Variants in PCDH19 observed in about 807,000 individuals in gnomAD.
The protein encoded by PCDH19 is protocadherin-19.
PCDH19 carries 6 observed loss-of-function variants against 46.2 expected under a neutral mutation model. That is an observed-to-expected ratio of 0.13 (90% confidence interval 0.07 to 0.26). The LOEUF (loss-of-function observed/expected upper bound fraction) is 0.26, where lower values mean the gene tolerates loss of function less well. Ranked by LOEUF, PCDH19 falls within the 10% of genes least tolerant of loss-of-function variation. The pLI is 1.00. For synonymous variants in PCDH19, 481 were observed against 415.7 expected (o/e 1.16, Z -1.91); for missense variants, 740 against 972.3 (o/e 0.76, Z 3.18).
chrX:100,371,383 T>C (rs929728435), intron 3 of PCDH19, among the ~76,000 whole-genome samples: 2 of 111,514 alleles, frequency 1.8e-5, no homozygotes, highest in Admixed American at 1.9e-4. Context: ...AACGTCTATC[T>C]CCTGTACTTT....
chrX:100,401,343 A>C (rs1050895527), intron 3 of PCDH19, among the ~76,000 whole-genome samples: 3 of 112,180 alleles, frequency 2.7e-5, no homozygotes, highest in Non-Finnish European at 5.6e-5. Context: ...ATCTGACCAC[A>C]TCACATTTTA....
intron 3 of PCDH19, among the ~76,000 whole-genome samples, chrX:100,388,439 C>A (rs182965387): frequency 8.7e-4 from 96 of 110,415 alleles, no homozygotes; most frequent in South Asian, 1.5e-3. Flanking sequence ...ACTGGCTTCA[C>A]AGTATTCTAG....
chrX:100,350,599 T>C, intron 4 of PCDH19, 47 bp downstream of exon 4: 1 of 920,177 alleles, frequency 1.1e-6, no homozygotes, highest in Non-Finnish European at 1.6e-6. Flanking sequence ...TGCTTTTTAA[T>C]GTTAAATCAA....
intron 3 of PCDH19, among the ~76,000 whole-genome samples, chrX:100,363,800 T>G (rs1440497061): frequency 9.9e-6 from 1 of 100,925 alleles, no homozygotes; most frequent in Non-Finnish European, 2.0e-5. Context: ...GCTGATTCAA[T>G]AGGAATACAA....
chrX:100,360,014 G>A (rs1230763414), intron 3 of PCDH19, among the ~76,000 whole-genome samples: 1 of 111,465 alleles, frequency 9.0e-6, no homozygotes. Context: ...ACCAGCTACA[G>A]AGCCCTGACT....
At chrX:100,363,438 G>A (rs1159811642) in intron 3 of PCDH19, among the ~76,000 whole-genome samples, 5 of 108,308 alleles carry the variant, frequency 4.6e-5, no homozygotes, top group Non-Finnish European at 9.5e-5. Context: ...TTACCAGGTC[G>A]TAAACTTGAT....
chrX:100,299,899 G>A (rs1375887720), intron 5 of PCDH19, among the ~76,000 whole-genome samples: 1 of 112,159 alleles, frequency 8.9e-6, no homozygotes, highest in African/African-American at 3.2e-5. Context: ...TTTACTCACA[G>A]TGTCTCATCC....
intron 5 of PCDH19, among the ~76,000 whole-genome samples, chrX:100,324,731 G>T (rs1222810731): frequency 8.9e-6 from 1 of 111,848 alleles, no homozygotes; most frequent in Non-Finnish European, 1.9e-5. Flanking sequence ...GAGAGAAAGA[G>T]ACGTAGATAA....
In PCDH19 at chrX:100,296,334, C is replaced by T. The variant is rs1428335254; in HGVS notation, c.3390G>A (p.Lys1130=). 1 of 1,209,995 alleles carries T rather than the reference C, an allele frequency of 8.3e-7. No homozygotes were observed. The highest frequency in any genetic ancestry group is 1.7e-5 in the African/African-American group (1 of 57,157). ...KVMHEVSPIL[K]EGRNKESPGV... Reference sequence around the variant, plus strand: ...CAGGGGACTCTTTGTTGCGACCTTCCTTCAGAATGGGGCTGACCTCATGCA... The same window carrying T: ...CAGGGGACTCTTTGTTGCGACCTTCTTTCAGAATGGGGCTGACCTCATGCA... Residue 1130 remains lysine, a synonymous_variant, in exon 6 of 6, where the codon AAG becomes AAA. Coordinates refer to ENST00000373034, the MANE Select transcript of PCDH19 (RefSeq NM_001184880.2).
chrX:100,347,565 C>T lies in PCDH19; in HGVS notation c.2675+3081G>A, dbSNP rs142691813. Among the ~76,000 whole-genome samples, 1,038 of 111,574 alleles carry T rather than the reference C, an allele frequency of 9.3e-3. 9 individuals are homozygous for T. The highest frequency in any genetic ancestry group is 0.03 in the African/African-American group (924 of 30,684). On this transcript the variant is annotated intron_variant, in intron 4 of 5. Coordinates refer to ENST00000373034, the MANE Select transcript of PCDH19 (RefSeq NM_001184880.2). ...CAACTATTTCATGTAGGAACCCTGA[C>T]TGATGAAGGAAAGAACCAGAGGTGG...
chrX:100,381,629 A>C (rs1397442763), intron 3 of PCDH19, among the ~76,000 whole-genome samples: 7 of 112,024 alleles, frequency 6.2e-5, no homozygotes, highest in Admixed American at 5.7e-4. Context: ...ATCAATTATC[A>C]ACCATTAAAT....
At chrX:100,340,208 T>C (rs896936308) in intron 5 of PCDH19, among the ~76,000 whole-genome samples, 1 of 111,948 alleles carries the variant, frequency 8.9e-6, no homozygotes, top group Non-Finnish European at 1.9e-5. Flanking sequence ...TATATAGATA[T>C]ATACACACAC....
chrX:100,316,721 G>A (rs767633867), intron 5 of PCDH19, among the ~76,000 whole-genome samples: 1 of 111,803 alleles, frequency 8.9e-6, no homozygotes, highest in South Asian at 3.8e-4. Context: ...TAATAATAGT[G>A]CTCCTTTATT....
At position 100,342,755 on chromosome X, in the gene PCDH19, G is replaced by A. The variant is rs746982642; in HGVS notation, c.2676-680C>T. The stretch of plus-strand genomic sequence containing the variant: ...AAATTGAAGTAGTGCAACTAAAATA[G>A]GAAGGATTATCAGGATCAGAGAACC... On this transcript the variant is annotated intron_variant, in intron 4 of 5. Coordinates refer to ENST00000373034, the MANE Select transcript of PCDH19 (RefSeq NM_001184880.2). Among the ~76,000 whole-genome samples, 20 of 112,323 alleles carry A rather than the reference G, an allele frequency of 1.8e-4. No individual in the cohort carries two copies. The South Asian group carries it at 1.8e-3, about 10-fold the overall frequency.
chrX:100,406,898 G>C lies in PCDH19; in HGVS notation c.1700C>G (p.Pro567Arg), dbSNP rs201989363. Residue 567 changes from proline to arginine, a missense_variant, in exon 1 of 6, where the codon CCT (proline) becomes CGT (arginine). This residue lies in a region of PCDH19 where 186 missense variants were observed against 319.9 expected (regional missense o/e 0.58). Transcript: ENST00000373034. ...NDNTPVITAP[P>R]LINGTAEVYI... ...GACCTCGGCAGTGCCGTTAATCAGA[G>C]GTGGGGCTGTGATGACCGGGGTGTT... is the stretch of plus-strand genomic sequence containing the variant. 2.0e-5 allele frequency: 24 copies of C among 1,209,743 alleles called. No individual in the cohort carries two copies. The African/African-American group carries it at 4.2e-4, about 21-fold the overall frequency.
In PCDH19 at chrX:100,337,146, G is replaced by A. The variant is rs902093267; in HGVS notation, c.2848+4757C>T. On this transcript the variant is annotated intron_variant, in intron 5 of 5. Coordinates refer to ENST00000373034, the MANE Select transcript of PCDH19 (RefSeq NM_001184880.2). ...TTTTTAGAGAGTCTCTGCAGGAACC[G>A]CATAAAGGCAAAATTCTTATCCCCA... 2.0e-4 allele frequency among the ~76,000 whole-genome samples: 22 copies of A among 110,966 alleles called. 1 individual carries two copies. The highest frequency in any genetic ancestry group is 1.8e-3 in the Admixed American group (19 of 10,409).
At chrX:100,325,977 A>G (rs1434185101) in intron 5 of PCDH19, among the ~76,000 whole-genome samples, 1 of 112,458 alleles carries the variant, frequency 8.9e-6, no homozygotes, top group African/African-American at 3.2e-5. Flanking sequence ...ACTTTATGCA[A>G]TAGAACTGCA....
chrX:100,406,462 G>A lies in PCDH19; in HGVS notation c.2136C>T (p.Thr712=), dbSNP rs950694232. 8 of 1,202,550 alleles carry A rather than the reference G, an allele frequency of 6.7e-6. No individual in the cohort carries two copies. Among genetic ancestry groups the A allele is most frequent in the Non-Finnish European group, 7.9e-6 (7 of 889,632 alleles). Residue 712 remains threonine (T), a synonymous_variant, in exon 1 of 6, where the codon ACC becomes ACT. Coordinates refer to ENST00000373034, the MANE Select transcript of PCDH19 (RefSeq NM_001184880.2). ...KCKRDNKEIR[T]YNCSNCLTIT... is the part of the protein sequence containing the mutation. ...AAACTTGGCTTTACCTGCAGTTGTA[G>A]GTCCGGATCTCTTTGTTGTCTCGCT...
intron 5 of PCDH19, among the ~76,000 whole-genome samples, chrX:100,313,018 C>T (rs1481677551): frequency 9.0e-6 from 1 of 111,323 alleles, no homozygotes; most frequent in African/African-American, 3.3e-5. Context: ...CACGCACATT[C>T]ACCACCACTA....
Sources: gnomAD v4.1 joint callset for allele counts (sites outside exome capture counted in the v4.1 genomes callset) on GRCh38, gnomAD v4.1.1 for gene constraint, gnomAD v4.1.1 regional missense constraint, MANE v1.5 for transcripts, NCBI Gene and HGNC (gene_info 2026-07-23, HGNC 2026-07-21) for gene names.